SDK1: variants seen among roughly 807,000 people sequenced by gnomAD.
The protein encoded by SDK1 is protein sidekick-1.
SDK1 carries 157 observed loss-of-function variants against 245.5 expected under a neutral mutation model. The observed-to-expected ratio is 0.64, with a 90% CI of 0.56 to 0.73. SDK1 has a LOEUF of 0.73. Among genes scored for constraint, SDK1 ranks in the 30% least tolerant of loss-of-function variants. The pLI is 0.00. For missense variants in SDK1, 3,583 were observed against 3,002.3 expected, an observed-to-expected ratio of 1.19 and a Z score of -4.52; for synonymous variants, 1,647 against 1,278.5, an observed-to-expected ratio of 1.29 and a Z score of -6.15.
chr7:3,467,265 A>C (rs1475637003), intron 1 of SDK1, among the ~76,000 whole-genome samples: 2 of 152,106 alleles, frequency 1.3e-5, no homozygotes, highest in African/African-American at 4.8e-5. Flanking sequence ...TGAAATTTGC[A>C]CATTGAGAAA....
intron 1 of SDK1, among the ~76,000 whole-genome samples, chr7:3,541,997 A>G (rs1209514829): frequency 6.6e-6 from 1 of 152,242 alleles, no homozygotes; most frequent in African/African-American, 2.4e-5. Context: ...TGGCACATGT[A>G]TACATATGTA....
chr7:3,609,084 A>G (rs553821087), intron 1 of SDK1, among the ~76,000 whole-genome samples: 14 of 152,360 alleles, frequency 9.2e-5, no homozygotes, highest in African/African-American at 2.6e-4. Flanking sequence ...TTTGGATAAT[A>G]TAGTTATTTT....
chr7:3,476,473 T>A (rs757917088), intron 1 of SDK1, among the ~76,000 whole-genome samples: 12 of 152,234 alleles, frequency 7.9e-5, no homozygotes, highest in Non-Finnish European at 1.2e-4. Context: ...GTAATCTATT[T>A]CTACATTTCT....
chr7:3,372,657 T>C (rs1159963385), intron 1 of SDK1, among the ~76,000 whole-genome samples: 1 of 152,170 alleles, frequency 6.6e-6, no homozygotes, highest in Non-Finnish European at 1.5e-5. Flanking sequence ...TTGTGTGAGA[T>C]GGTCAGTTTC....
chr7:3,540,613 A>G (rs1779028247), intron 1 of SDK1, among the ~76,000 whole-genome samples: 1 of 152,208 alleles, frequency 6.6e-6, no homozygotes, highest in Non-Finnish European at 1.5e-5. Flanking sequence ...AAGTCAGAGA[A>G]CACAGTGAAT....
intron 4 of SDK1, among the ~76,000 whole-genome samples, chr7:3,672,756 ATT>A (rs1491347686): frequency 0.067 from 2,479 of 37,110 alleles, 260 homozygotes; most frequent in Admixed American, 0.17. Context: ...ATAATATATA[ATT>A]TTATATATAT....
At chr7:3,561,641 A>G (rs189571431) in intron 1 of SDK1, among the ~76,000 whole-genome samples, 2 of 152,258 alleles carry the variant, frequency 1.3e-5, no homozygotes, top group East Asian at 3.9e-4. Flanking sequence ...GGTTCCCTCA[A>G]TTTTAATCTG....
chr7:3,920,822 C>G (rs1200329100), intron 5 of SDK1, among the ~76,000 whole-genome samples: 1 of 152,154 alleles, frequency 6.6e-6, no homozygotes, highest in Admixed American at 6.5e-5. Flanking sequence ...CATAAAGTGA[C>G]TGCTCGGAGG....
intron 5 of SDK1, among the ~76,000 whole-genome samples, chr7:3,843,990 A>T (rs541388463): frequency 9.2e-5 from 14 of 152,300 alleles, no homozygotes; most frequent in African/African-American, 3.4e-4. Context: ...TTTATTTATT[A>T]GACAGAGTCT....
intron 22 of SDK1, among the ~76,000 whole-genome samples, chr7:4,097,212 C>A (rs1319855179): frequency 6.6e-6 from 1 of 152,240 alleles, no homozygotes; most frequent in African/African-American, 2.4e-5. Flanking sequence ...GCAAGACGGC[C>A]TGGGCCGACT....
At chr7:4,260,044 G>A (rs573394556) in intron 44 of SDK1, among the ~76,000 whole-genome samples, 1 of 152,262 alleles carries the variant, frequency 6.6e-6, no homozygotes, top group African/African-American at 2.4e-5. Flanking sequence ...CCACTGCCAC[G>A]TTTATCATCG....
intron 5 of SDK1, among the ~76,000 whole-genome samples, chr7:3,887,337 A>G (rs1781361035): frequency 6.6e-6 from 1 of 152,238 alleles, no homozygotes; most frequent in South Asian, 2.1e-4. Context: ...AATGGCCCCA[A>G]CTAATTACAT....
chr7:3,338,940 T>C (rs1350953693), intron 1 of SDK1, among the ~76,000 whole-genome samples: 1 of 152,182 alleles, frequency 6.6e-6, no homozygotes, highest in East Asian at 1.9e-4. Context: ...AATAATTAAA[T>C]GGCAGGCTTA....
intron 5 of SDK1, among the ~76,000 whole-genome samples, chr7:3,933,261 C>G (rs980891203): frequency 6.6e-6 from 1 of 151,366 alleles, no homozygotes; most frequent in Non-Finnish European, 1.5e-5. Flanking sequence ...CAGGCTTGCA[C>G]CACCACTCCC....
chr7:3,339,514 A>G (rs1016921818), intron 1 of SDK1, among the ~76,000 whole-genome samples: 1 of 152,138 alleles, frequency 6.6e-6, no homozygotes, highest in Admixed American at 6.5e-5. Flanking sequence ...GACATCATAG[A>G]CATTATTCTG....
intron 1 of SDK1, among the ~76,000 whole-genome samples, chr7:3,506,247 A>G (rs1323026549): frequency 2.6e-5 from 4 of 152,100 alleles, no homozygotes. Flanking sequence ...CATTGTATGT[A>G]GGATTCCAGG....
intron 1 of SDK1, among the ~76,000 whole-genome samples, chr7:3,489,352 A>T (rs1301927814): frequency 6.6e-6 from 1 of 152,204 alleles, no homozygotes; most frequent in African/African-American, 2.4e-5. Flanking sequence ...AATTGAGCGT[A>T]TTGTGGAAAT....
chr7:3,720,980 A>C (rs1348792323), intron 4 of SDK1, among the ~76,000 whole-genome samples: 1 of 152,228 alleles, frequency 6.6e-6, no homozygotes, highest in Non-Finnish European at 1.5e-5. Context: ...ATTGAGTGAG[A>C]AAAGCCAATC....
intron 1 of SDK1, among the ~76,000 whole-genome samples, chr7:3,369,533 G>T (rs1383142980): frequency 2.0e-5 from 3 of 152,114 alleles, no homozygotes; most frequent in Non-Finnish European, 4.4e-5. Flanking sequence ...CAAGGAAAAA[G>T]TAATAAAAAG....
Sources: allele counts gnomAD v4.1 joint callset (sites outside exome capture counted in the v4.1 genomes callset), GRCh38; gene constraint gnomAD v4.1.1; transcripts MANE v1.5; gene names NCBI Gene and HGNC (gene_info 2026-07-23, HGNC 2026-07-21).